MBNL1: variants seen among roughly 807,000 people sequenced by gnomAD.
MBNL1 encodes muscleblind like splicing regulator 1.
Under a neutral mutation model 42.2 loss-of-function variants are expected in MBNL1, and 8 were observed. The ratio of observed to expected loss-of-function variants is 0.19; its 90% CI spans 0.11 to 0.34. MBNL1 has a LOEUF of 0.34. MBNL1 is among the 10% of genes least tolerant of loss of function. The pLI, the probability that MBNL1 is intolerant of heterozygous loss-of-function variation, is 1.00. For synonymous variants in MBNL1, 169 were observed against 173.9 expected (o/e 0.97, Z 0.22); for missense variants, 309 against 495.3 (o/e 0.62, Z 3.57).
intron 3 of MBNL1, among the ~76,000 whole-genome samples, chr3:152,428,414 C>T (rs1272453434): frequency 6.6e-6 from 1 of 151,900 alleles, no homozygotes; most frequent in African/African-American, 2.4e-5. Context: ...ATTAGGAGTT[C>T]GTGGGAACAG....
At chr3:152,316,943 A>G (rs1045112043) in intron 2 of MBNL1, among the ~76,000 whole-genome samples, 2 of 152,124 alleles carry the variant, frequency 1.3e-5, no homozygotes, top group African/African-American at 4.8e-5. Flanking sequence ...AGATAAAATA[A>G]CCTTCTCACC....
At chr3:152,301,670 A>G (rs1004617529) in intron 2 of MBNL1, among the ~76,000 whole-genome samples, 1 of 152,208 alleles carries the variant, frequency 6.6e-6, no homozygotes, top group African/African-American at 2.4e-5. Flanking sequence ...ATCAATAAGC[A>G]AAAGTTATAA....
chr3:152,389,985 C>T (rs2097630373), intron 2 of MBNL1, among the ~76,000 whole-genome samples: 1 of 151,966 alleles, frequency 6.6e-6, no homozygotes, highest in Non-Finnish European at 1.5e-5. Flanking sequence ...AAGAAATTCT[C>T]CTGCCTCAGC....
Position 152,363,060 on chromosome 3 carries a change from T to C in MBNL1, c.175-51881T>C, listed in dbSNP as rs554764417. ...TATCAAATAAAATAGATGTTCTATT[T>C]AAAAATTCTATGTTTTGACATAATA... On this transcript the variant is annotated intron_variant, in intron 2 of 9. Coordinates refer to ENST00000324210, the MANE Select transcript of MBNL1 (RefSeq NM_021038.5). Among the ~76,000 whole-genome samples, 5 of 152,308 alleles carry C rather than the reference T, an allele frequency of 3.3e-5. 1 individual carries two copies. In the South Asian group the frequency reaches 8.3e-4, roughly 25 times the overall value.
rs540489578 is a variant in MBNL1, at chr3:152,326,114, AATTGACGACAATTTT to A, written c.174+25752_174+25766del. 1.1e-4 allele frequency among the ~76,000 whole-genome samples: 17 copies of A among 152,280 alleles called. No individual in the cohort carries two copies. In the South Asian group the frequency reaches 3.5e-3, roughly 32 times the overall value. ...ATAACTCCATTTCCAAATCTATGAA[AATTGACGACAATTTT>A]ATTGTATCATTTGATAGCCACTTTA... On this transcript the variant is annotated intron_variant, in intron 2 of 9. Coordinates refer to ENST00000324210, the MANE Select transcript of MBNL1 (RefSeq NM_021038.5).
chr3:152,353,905 A>G (rs1560263409), intron 2 of MBNL1, among the ~76,000 whole-genome samples: 2 of 152,178 alleles, frequency 1.3e-5, no homozygotes, highest in Non-Finnish European at 2.9e-5. Context: ...CATAAATTTT[A>G]TCTTCTTTTT....
At chr3:152,455,740 C>T (rs1732350329) in intron 7 of MBNL1, among the ~76,000 whole-genome samples, 163 bp downstream of exon 7, 1 of 152,182 alleles carries the variant, frequency 6.6e-6, no homozygotes, top group Admixed American at 6.5e-5. Context: ...GACATGGACT[C>T]ACATAAGTGT....
chr3:152,453,052 T>A (rs1427017258), intron 6 of MBNL1, among the ~76,000 whole-genome samples: 1 of 151,560 alleles, frequency 6.6e-6, no homozygotes, highest in African/African-American at 2.4e-5. Flanking sequence ...AAATTACTTA[T>A]AATTAATAAA....
intron 3 of MBNL1, among the ~76,000 whole-genome samples, chr3:152,418,817 C>T (rs2098748922): frequency 6.7e-6 from 1 of 150,200 alleles, no homozygotes; most frequent in Non-Finnish European, 1.5e-5. Context: ...CCCAAGTTCA[C>T]ACCGTTCTCT....
At chr3:152,274,687 C>T (rs545991688) in intron 1 of MBNL1, among the ~76,000 whole-genome samples, 2 of 150,992 alleles carry the variant, frequency 1.3e-5, no homozygotes, top group East Asian at 1.9e-4. Flanking sequence ...ATTCAGATAT[C>T]GAATTTTCAT....
chr3:152,340,653 G>C (rs754219241), intron 2 of MBNL1: 1 of 1,613,998 alleles, frequency 6.2e-7, no homozygotes. Context: ...AAATGTTCCA[G>C]AGTGTTAGAA....
chr3:152,364,719 A>G (rs1359696552), intron 2 of MBNL1, among the ~76,000 whole-genome samples: 2 of 152,150 alleles, frequency 1.3e-5, no homozygotes, highest in Non-Finnish European at 2.9e-5. Context: ...TGAACTAGTA[A>G]CATTAAGTTT....
At chr3:152,449,372 TG>T (rs1440310531) in intron 6 of MBNL1, 1 of 152,226 alleles carries the variant, frequency 6.6e-6, no homozygotes, top group African/African-American at 2.4e-5. Flanking sequence ...CTGCTGCACT[TG>T]ACTAGTCTTA....
chr3:152,366,884 G>C (rs1017202906), intron 2 of MBNL1, among the ~76,000 whole-genome samples: 13 of 152,046 alleles, frequency 8.6e-5, no homozygotes, highest in African/African-American at 2.4e-4. Context: ...TAACAGTGAA[G>C]GGATAGTTTG....
At chr3:152,372,134 GT>G (rs2096691883) in intron 2 of MBNL1, among the ~76,000 whole-genome samples, 1 of 152,152 alleles carries the variant, frequency 6.6e-6, no homozygotes, top group Non-Finnish European at 1.5e-5. Context: ...TTCTTGTGCT[GT>G]GTTTTTCAGC....
intron 2 of MBNL1, among the ~76,000 whole-genome samples, chr3:152,344,567 C>G (rs1055657328): frequency 1.5e-4 from 23 of 152,118 alleles, no homozygotes; most frequent in African/African-American, 5.6e-4. Context: ...ACATTTGTGT[C>G]TTCTTAATTT....
At chr3:152,407,311 T>C (rs2098458371) in intron 2 of MBNL1, among the ~76,000 whole-genome samples, 1 of 149,904 alleles carries the variant, frequency 6.7e-6, no homozygotes, top group East Asian at 2.0e-4. Context: ...GCTGTTACGC[T>C]GATTGGGTGA....
chr3:152,438,010 G>A (rs543299557), intron 4 of MBNL1, among the ~76,000 whole-genome samples: 2 of 152,052 alleles, frequency 1.3e-5, no homozygotes, highest in African/African-American at 4.8e-5. Context: ...TTCTTTCCAG[G>A]ATTATGTTAA....
At chr3:152,459,383 G>T (rs1740379134) in intron 9 of MBNL1, 38 bp downstream of exon 9, 4 of 1,268,838 alleles carry the variant, frequency 3.2e-6, no homozygotes, top group Non-Finnish European at 3.2e-6. Flanking sequence ...CATATTTGTG[G>T]TGGTTTTTTT....
Sources: allele counts gnomAD v4.1 joint callset (sites outside exome capture counted in the v4.1 genomes callset), GRCh38; gene constraint gnomAD v4.1.1; transcripts MANE v1.5; gene names NCBI Gene and HGNC (gene_info 2026-07-23, HGNC 2026-07-21).